Variants in VPS13D observed in about 807,000 individuals in gnomAD.
VPS13D encodes intermembrane lipid transfer protein VPS13D.
A neutral mutation model predicts 461.9 loss-of-function variants in VPS13D; 187 were observed. The ratio of observed to expected loss-of-function variants is 0.40; its 90% CI spans 0.36 to 0.46. The LOEUF (loss-of-function observed/expected upper bound fraction) is 0.46, where lower values mean the gene tolerates loss of function less well. Ranked by LOEUF, VPS13D falls within the 20% of genes least tolerant of loss-of-function variation. VPS13D has a pLI of 0.60. For missense variants in VPS13D, 4,711 were observed against 5,364.9 expected, an observed-to-expected ratio of 0.88 and a Z score of 3.81; for synonymous variants, 1,951 against 1,986.3, an observed-to-expected ratio of 0.98 and a Z score of 0.47.
chr1:12,401,717 G>A lies in VPS13D; in HGVS notation c.11881+13G>A. On this transcript the variant is annotated intron_variant, in intron 62 of 69. Coordinates refer to ENST00000620676, the MANE Select transcript of VPS13D (RefSeq NM_015378.4). ...CAAGCAGAATCAGGTAATGTTGAATGTTCTATGTCTGTGTTTGGGAATTGG... is the reference window on the plus strand; with the variant it reads ...CAAGCAGAATCAGGTAATGTTGAATATTCTATGTCTGTGTTTGGGAATTGG... 6.2e-7 allele frequency: 1 copy of A among 1,601,690 alleles called. No individual in the cohort carries two copies. Among genetic ancestry groups the A allele is most frequent in the Non-Finnish European group, 8.5e-7 (1 of 1,169,932 alleles).
chr1:12,306,880 C>G (rs1642581223), intron 26 of VPS13D, among the ~76,000 whole-genome samples: 1 of 152,094 alleles, frequency 6.6e-6, no homozygotes, highest in Admixed American at 6.5e-5. Context: ...GGGTTTGCAC[C>G]CCAATGAAAA....
intron 67 of VPS13D, among the ~76,000 whole-genome samples, chr1:12,469,922 A>G (rs1371317952): frequency 2.0e-5 from 3 of 152,134 alleles, no homozygotes; most frequent in Admixed American, 2.0e-4. Flanking sequence ...TCTTGCAGGT[A>G]CTCGAGAAGG....
intron 67 of VPS13D, among the ~76,000 whole-genome samples, chr1:12,464,649 G>A (rs978766774): frequency 4.6e-5 from 7 of 151,366 alleles, no homozygotes; most frequent in African/African-American, 1.7e-4. Context: ...CATTCCAAGC[G>A]ACAGCCACCT....
intron 61 of VPS13D, 106 bp from the exon 62 acceptor site, chr1:12,401,502 C>G (rs917611470): frequency 1.4e-6 from 1 of 727,836 alleles, no homozygotes; most frequent in Non-Finnish European, 2.2e-6. Context: ...AGTTATAAAG[C>G]CACATGATTA....
intron 25 of VPS13D, 59 bp from the exon 26 acceptor site, chr1:12,304,447 C>T: frequency 6.8e-7 from 1 of 1,478,468 alleles, no homozygotes; most frequent in Non-Finnish European, 9.2e-7. Flanking sequence ...TAGAGTCCCA[C>T]CACCAGTGCT....
intron 65 of VPS13D, among the ~76,000 whole-genome samples, chr1:12,449,772 G>T (rs1035958808): frequency 6.6e-6 from 1 of 152,112 alleles, no homozygotes; most frequent in Non-Finnish European, 1.5e-5. Flanking sequence ...CTTGTAAAAA[G>T]TGTTGGCCAA....
rs989954621 is a variant in VPS13D, at chr1:12,510,227, G to C, written c.*1203G>C. On this transcript the variant is annotated 3_prime_UTR_variant, in exon 70 of 70. Coordinates refer to ENST00000620676, the MANE Select transcript of VPS13D (RefSeq NM_015378.4). ...GAGCAAGGCCTGGTATGAGCGCCCT[G>C]GGTCTTGTTTTTGGTGTTTCGCTTT... is the stretch of plus-strand genomic sequence containing the variant. The C allele has an allele frequency of 3.3e-5, 5 of 152,230 alleles. No homozygotes were observed. Among genetic ancestry groups the C allele is most frequent in the African/African-American group, 1.2e-4 (5 of 41,456 alleles). 9.4% of individuals were successfully genotyped at this position (152,230 alleles called of 1,614,324 possible).
intron 6 of VPS13D, among the ~76,000 whole-genome samples, chr1:12,251,826 A>G (rs1293909519): frequency 6.6e-6 from 1 of 152,126 alleles, no homozygotes; most frequent in Non-Finnish European, 1.5e-5. Context: ...TCCTTTCCTA[A>G]TGGATTTGAT....
At chr1:12,290,680 G>A (rs1016565129) in intron 22 of VPS13D, among the ~76,000 whole-genome samples, 2 of 150,220 alleles carry the variant, frequency 1.3e-5, no homozygotes, top group African/African-American at 4.9e-5. Flanking sequence ...CCCAGATCGC[G>A]CCACTGTACT....
intron 40 of VPS13D, among the ~76,000 whole-genome samples, chr1:12,341,070 A>G (rs1643558128): frequency 6.6e-6 from 1 of 152,198 alleles, no homozygotes; most frequent in South Asian, 2.1e-4. Context: ...GGTTACTTAC[A>G]GTTTTGTATT....
chr1:12,373,113 T>A (rs1644146723), intron 54 of VPS13D, among the ~76,000 whole-genome samples: 2 of 144,600 alleles, frequency 1.4e-5, no homozygotes, highest in African/African-American at 5.1e-5. Context: ...TTTTTTTTTT[T>A]TTTTTTTTTG....
At chr1:12,292,262 C>CAAAAAAAAAA (rs766212937) in intron 23 of VPS13D, among the ~76,000 whole-genome samples, 2 of 12,246 alleles carry the variant, frequency 1.6e-4, no homozygotes, top group Non-Finnish European at 2.9e-4. Flanking sequence ...AACTCCATCT[C>CAAAAAAAAAA]AAAAAAAAAA....
At chr1:12,478,471 C>T (rs1441779026) in intron 67 of VPS13D, 3 of 227,922 alleles carry the variant, frequency 1.3e-5, no homozygotes, top group East Asian at 1.0e-4. Flanking sequence ...TAATACAGCT[C>T]GAGTCTTGTA....
At chr1:12,323,665 A>G (rs180925913) in intron 34 of VPS13D, 41 bp from the exon 35 acceptor site, 1 of 1,574,600 alleles carries the variant, frequency 6.4e-7, no homozygotes, top group East Asian at 2.2e-5. Flanking sequence ...ATTAATTTAC[A>G]TAAAATTATT....
intron 42 of VPS13D, chr1:12,345,008 A>G (rs1010255916): frequency 4.2e-5 from 7 of 166,178 alleles, no homozygotes; most frequent in Admixed American, 2.4e-4. Flanking sequence ...TGCATTTCCA[A>G]GAGTATGGTT....
intron 36 of VPS13D, among the ~76,000 whole-genome samples, chr1:12,328,543 G>A (rs1643250386): frequency 6.7e-6 from 1 of 150,228 alleles, no homozygotes; most frequent in African/African-American, 2.5e-5. Flanking sequence ...TGAAGTTGAG[G>A]TCTTTTTTTT....
chr1:12,345,705 G>A (rs1350587248), intron 43 of VPS13D, among the ~76,000 whole-genome samples, 196 bp downstream of exon 43: 1 of 152,170 alleles, frequency 6.6e-6, no homozygotes, highest in East Asian at 1.9e-4. Flanking sequence ...AGAAAAACAA[G>A]ATTTAAAATC....
Position 12,314,317 on chromosome 1 carries a change from C to T in VPS13D, c.7138C>T (p.Leu2380=). ...CACCCAAGGGTCCATTCAGATTGAA[C>T]TACATTTCAGGTAGCAGGTCCAGAC... is the stretch of plus-strand genomic sequence containing the variant. ...STTQGSIQIE[L]HFRSTKDSSC... Residue 2380 remains leucine (L), a synonymous_variant, in exon 30 of 70, where the codon CTA becomes TTA. Coordinates refer to ENST00000620676, the MANE Select transcript of VPS13D (RefSeq NM_015378.4). The T allele has an allele frequency of 6.2e-7, 1 of 1,613,100 alleles. No homozygotes were observed. Among genetic ancestry groups the T allele is most frequent in the Non-Finnish European group, 8.5e-7 (1 of 1,179,146 alleles).
intron 67 of VPS13D, among the ~76,000 whole-genome samples, chr1:12,488,669 CAAA>C (rs79424685): frequency 2.2e-4 from 18 of 82,802 alleles, no homozygotes; most frequent in Middle Eastern, 6.3e-3. Flanking sequence ...TCATTTGAAC[CAAA>C]AAAAAAAAAA....
Sources: gnomAD v4.1 joint callset for allele counts (sites outside exome capture counted in the v4.1 genomes callset) on GRCh38, gnomAD v4.1.1 for gene constraint, MANE v1.5 for transcripts, NCBI Gene and HGNC (gene_info 2026-07-23, HGNC 2026-07-21) for gene names.